Variants in TCERG1L observed in about 807,000 individuals in gnomAD.
TCERG1L encodes the protein transcription elongation regulator 1-like protein.
A neutral mutation model predicts 56.3 loss-of-function variants in TCERG1L; 37 were observed. The observed-to-expected ratio is 0.66, with a 90% CI of 0.51 to 0.87. TCERG1L has a LOEUF of 0.87. Among genes scored for constraint, TCERG1L ranks in the 40% least tolerant of loss-of-function variants. TCERG1L has a pLI of 0.00. For missense variants in TCERG1L, 799 were observed against 774.2 expected, an observed-to-expected ratio of 1.03 and a Z score of -0.38; for synonymous variants, 324 against 326.3, an observed-to-expected ratio of 0.99 and a Z score of 0.08.
rs1183743154 is a variant in TCERG1L, at chr10:131,191,880, A to G, written c.857-24995T>C. The stretch of plus-strand genomic sequence containing the variant: ...ACTCCGTCTCAAAAAAAAAAAAAAA[A>G]AAAAAAAAAGAAAAAAAGAAAAAGA... On this transcript the variant is annotated intron_variant, in intron 4 of 11. Transcript: ENST00000368642. Among the ~76,000 whole-genome samples the G allele has an allele frequency of 5.8e-5, 8 of 138,052 alleles. 1 individual carries two copies. The highest frequency in any genetic ancestry group is 6.3e-5 in the Non-Finnish European group (4 of 63,508). The allele number at this position is 138,052 out of a possible 152,430, so 90.6% of individuals were successfully genotyped here. A position where few individuals can be genotyped will look rare whatever the true frequency, so the allele number is the denominator to read the frequency against.
intron 4 of TCERG1L, among the ~76,000 whole-genome samples, chr10:131,201,694 G>A (rs1184467565): frequency 6.6e-6 from 1 of 152,142 alleles, no homozygotes; most frequent in Non-Finnish European, 1.5e-5. Context: ...TGGGCATTTG[G>A]ACTTCTTTTT....
intron 10 of TCERG1L, among the ~76,000 whole-genome samples, chr10:131,101,632 C>G (rs902074292): frequency 3.3e-5 from 5 of 152,228 alleles, no homozygotes; most frequent in Non-Finnish European, 5.9e-5. Context: ...GTTTATGGCT[C>G]CTGCCTATGC....
At chr10:131,276,599 C>T (rs966005171) in intron 3 of TCERG1L, among the ~76,000 whole-genome samples, 3 of 152,294 alleles carry the variant, frequency 2.0e-5, no homozygotes, top group East Asian at 3.9e-4. Flanking sequence ...ATTTAGACAG[C>T]GATGCAATCA....
intron 4 of TCERG1L, among the ~76,000 whole-genome samples, chr10:131,191,646 C>T (rs1402039723): frequency 7.0e-6 from 1 of 142,032 alleles, no homozygotes; most frequent in Non-Finnish European, 1.5e-5. Context: ...GACTGGCAAG[C>T]CACATGTAGA....
At chr10:131,261,106 C>A (rs7082493) in intron 3 of TCERG1L, among the ~76,000 whole-genome samples, 2 of 152,154 alleles carry the variant, frequency 1.3e-5, no homozygotes, top group Non-Finnish European at 2.9e-5. Context: ...CAGCGTGGGT[C>A]GCTCCTTGAG....
intron 3 of TCERG1L, among the ~76,000 whole-genome samples, chr10:131,265,668 T>C (rs899886879): frequency 3.3e-5 from 5 of 152,284 alleles, no homozygotes; most frequent in Non-Finnish European, 7.3e-5. Context: ...GTTTACACTA[T>C]AGTGTAGTCT....
chr10:131,148,431 C>A (rs1845823590), intron 6 of TCERG1L, among the ~76,000 whole-genome samples: 1 of 151,642 alleles, frequency 6.6e-6, no homozygotes, highest in African/African-American at 2.4e-5. Context: ...CACAGAGACA[C>A]ACACATGCAG....
intron 3 of TCERG1L, among the ~76,000 whole-genome samples, chr10:131,265,499 T>C (rs541440980): frequency 2.0e-4 from 30 of 152,264 alleles, no homozygotes; most frequent in African/African-American, 7.0e-4. Flanking sequence ...CTCCAGGCCC[T>C]TGTGAAGGGT....
chr10:131,218,269 C>T (rs2944494), intron 4 of TCERG1L, among the ~76,000 whole-genome samples: 30,967 of 152,060 alleles, frequency 0.2, 3,449 homozygotes, highest in East Asian at 0.44. Flanking sequence ...TACATCTAAC[C>T]GATACGTGCA....
At chr10:131,158,313 A>G (rs560725585) in intron 6 of TCERG1L, among the ~76,000 whole-genome samples, 22 of 152,282 alleles carry the variant, frequency 1.4e-4, no homozygotes, top group African/African-American at 5.3e-4. Flanking sequence ...ATGCTGGAGG[A>G]GTTTCACCTT....
chr10:131,176,431 CACACAG>C (rs1466934808), intron 4 of TCERG1L, among the ~76,000 whole-genome samples: 1 of 50,416 alleles, frequency 2.0e-5, no homozygotes, highest in Non-Finnish European at 8.1e-5. Flanking sequence ...GACACATGTA[CACACAG>C]AGATACGTGT....
intron 4 of TCERG1L, among the ~76,000 whole-genome samples, chr10:131,246,800 CCA>C (rs1846044614): frequency 6.6e-6 from 1 of 152,212 alleles, no homozygotes; most frequent in Admixed American, 6.5e-5. Flanking sequence ...GGCCTCCCAG[CCA>C]CACACCCCTA....
At position 131,267,468 on chromosome 10, in the gene TCERG1L, C is replaced by A. The variant is rs1442229136; in HGVS notation, c.671-7024G>T. 6.6e-6 allele frequency among the ~76,000 whole-genome samples: 1 copy of A among 152,242 alleles called. No individual in the cohort carries two copies. Among genetic ancestry groups the A allele is most frequent in the Non-Finnish European group, 1.5e-5 (1 of 68,046 alleles). ...GCCTCGGCAGCTCCCACACTGCCAA[C>A]TTGAGGGGGGTCATGGCTCCTGCCT... On this transcript the variant is annotated intron_variant, in intron 3 of 11. Coordinates refer to ENST00000368642, the MANE Select transcript of TCERG1L (RefSeq NM_174937.4). This position sits in a 1 kb window ranked among gnomAD's most constrained non-coding sequence, Gnocchi z 4.9.
chr10:131,288,855 ACCCT>A (rs1156752044), intron 3 of TCERG1L, among the ~76,000 whole-genome samples: 2 of 151,830 alleles, frequency 1.3e-5, no homozygotes, highest in African/African-American at 4.8e-5. Flanking sequence ...CACCGGACAG[ACCCT>A]CCCTCAGCGC....
In TCERG1L at chr10:131,139,806, G is replaced by A. The variant is rs141715286; in HGVS notation, c.1190-5358C>T. On this transcript the variant is annotated intron_variant, in intron 7 of 11. Coordinates refer to ENST00000368642, the MANE Select transcript of TCERG1L (RefSeq NM_174937.4). ...TGTGTGTGCTTGTGTGTCTGTGTGC[G>A]TATATGTGTGTGTATGTGTATGCAT... Among the ~76,000 whole-genome samples, 29 of 151,576 alleles carry A rather than the reference G, an allele frequency of 1.9e-4. No individual in the cohort carries two copies. The East Asian group carries it at 1.9e-3, about 10-fold the overall frequency.
intron 8 of TCERG1L, among the ~76,000 whole-genome samples, chr10:131,131,439 G>A (rs903425816): frequency 1.3e-5 from 2 of 152,210 alleles, no homozygotes; most frequent in African/African-American, 4.8e-5. Context: ...GAGCGGTCAT[G>A]AATCTATTTT....
chr10:131,193,131 GTC>G (rs1435780700), intron 4 of TCERG1L, among the ~76,000 whole-genome samples: 5 of 152,184 alleles, frequency 3.3e-5, no homozygotes, highest in African/African-American at 1.2e-4. Flanking sequence ...TTTGTCATAT[GTC>G]TGTTGGTTTT....
chr10:131,121,113 T>C (rs954001496), intron 8 of TCERG1L, among the ~76,000 whole-genome samples: 1 of 152,188 alleles, frequency 6.6e-6, no homozygotes, highest in Non-Finnish European at 1.5e-5. Flanking sequence ...ACAGCAGACA[T>C]TCTAGTGGAC....
At chr10:131,193,903 A>AT (rs1277067528) in intron 4 of TCERG1L, among the ~76,000 whole-genome samples, 1 of 152,252 alleles carries the variant, frequency 6.6e-6, no homozygotes, top group African/African-American at 2.4e-5. Flanking sequence ...GCTGGAAAGC[A>AT]CAGCCCTGTG....
Sources: gnomAD v4.1 joint callset for allele counts (sites outside exome capture counted in the v4.1 genomes callset) on GRCh38, gnomAD v4.1.1 for gene constraint, Gnocchi (gnomAD v3.1) non-coding constraint, MANE v1.5 for transcripts, NCBI Gene and HGNC (gene_info 2026-07-23, HGNC 2026-07-21) for gene names.